Variants in GBE1 observed in about 807,000 individuals in gnomAD.
GBE1 encodes the protein 1,4-alpha-glucan branching enzyme 1.
In GBE1, 70 loss-of-function variants were observed where a neutral mutation model predicts 88.8. The observed-to-expected ratio is 0.79, with a 90% confidence interval of 0.65 to 0.96. The LOEUF (loss-of-function observed/expected upper bound fraction) is 0.96. Ranked by LOEUF, GBE1 falls within the 40% of genes least tolerant of loss-of-function variation. The pLI, the probability that GBE1 is intolerant of heterozygous loss-of-function variation, is 0.00. For missense variants in GBE1, 872 were observed against 871.0 expected (o/e 1.00, Z -0.01); for synonymous variants, 284 against 300.1 (o/e 0.95, Z 0.56).
intron 7 of GBE1, among the ~76,000 whole-genome samples, chr3:81,621,732 C>T (rs566850188): frequency 1.3e-5 from 2 of 152,268 alleles, no homozygotes; most frequent in South Asian, 4.1e-4. Flanking sequence ...GAATTTGATC[C>T]CTAAGGAATC....
At chr3:81,655,030 T>A (rs1309320727) in intron 3 of GBE1, 1 of 152,214 alleles carries the variant, frequency 6.6e-6, no homozygotes, top group Non-Finnish European at 1.5e-5. Flanking sequence ...TGGTAGGAGT[T>A]GTACTCACAA....
At chr3:81,759,724 T>C (rs2107247900) in intron 1 of GBE1, among the ~76,000 whole-genome samples, 1 of 152,292 alleles carries the variant, frequency 6.6e-6, no homozygotes, top group South Asian at 2.1e-4. Context: ...TTGGCCTTTG[T>C]TCCCTTCATT....
intron 14 of GBE1, among the ~76,000 whole-genome samples, chr3:81,500,975 G>A (rs1020039938): frequency 1.3e-5 from 2 of 151,996 alleles, no homozygotes; most frequent in Non-Finnish European, 2.9e-5. Flanking sequence ...GCTGGGGGAG[G>A]GTGAGTATGG....
chr3:81,737,890 T>C (rs576700457), intron 1 of GBE1, among the ~76,000 whole-genome samples: 2 of 152,176 alleles, frequency 1.3e-5, no homozygotes, highest in Non-Finnish European at 2.9e-5. Flanking sequence ...CTCCCACTGC[T>C]ATTCCTCCCC....
intron 3 of GBE1, among the ~76,000 whole-genome samples, chr3:81,661,486 A>G (rs1489031872): frequency 6.6e-6 from 1 of 152,210 alleles, no homozygotes; most frequent in Admixed American, 6.5e-5. Context: ...ACACTTGTTG[A>G]GATTGATTTG....
At chr3:81,499,050 C>T (rs1702551532) in intron 15 of GBE1, 60 bp downstream of exon 15, 1 of 912,878 alleles carries the variant, frequency 1.1e-6, no homozygotes, top group Non-Finnish European at 1.7e-6. Flanking sequence ...TGAACAAAAA[C>T]ATTACTATAA....
At chr3:81,720,552 C>A (rs1706013650) in intron 1 of GBE1, among the ~76,000 whole-genome samples, 2 of 151,924 alleles carry the variant, frequency 1.3e-5, no homozygotes, top group South Asian at 4.2e-4. Flanking sequence ...TAACTATTTA[C>A]CCAAATTGAA....
At chr3:81,721,653 C>T (rs1313231325) in intron 1 of GBE1, among the ~76,000 whole-genome samples, 2 of 152,090 alleles carry the variant, frequency 1.3e-5, no homozygotes, top group African/African-American at 4.8e-5. Context: ...ATTATAGGTG[C>T]CATAAAGCCA....
At chr3:81,640,805 T>C (rs562452214) in intron 7 of GBE1, among the ~76,000 whole-genome samples, 1 of 151,788 alleles carries the variant, frequency 6.6e-6, no homozygotes, top group East Asian at 1.9e-4. Context: ...GAGGACTAAG[T>C]CTATATGACA....
intron 7 of GBE1, among the ~76,000 whole-genome samples, chr3:81,633,287 T>C (rs56037559): frequency 0.093 from 14,212 of 152,182 alleles, 1,332 homozygotes; most frequent in African/African-American, 0.24. Context: ...AAGTGTGTAA[T>C]GAGCCCTTCA....
At chr3:81,601,337 C>T (rs6800135) in intron 7 of GBE1, among the ~76,000 whole-genome samples, 97,561 of 151,974 alleles carry the variant, frequency 0.64, 32,790 homozygotes, top group East Asian at 0.92. Flanking sequence ...GCTCAACCTT[C>T]TGAATCTAAA....
At chr3:81,683,886 C>A (rs547297237) in intron 2 of GBE1, among the ~76,000 whole-genome samples, 1 of 152,068 alleles carries the variant, frequency 6.6e-6, no homozygotes, top group East Asian at 1.9e-4. Flanking sequence ...ATAATATACT[C>A]CCTTTAAAAA....
chr3:81,662,246 G>A (rs1291703974), intron 3 of GBE1, among the ~76,000 whole-genome samples: 1 of 152,070 alleles, frequency 6.6e-6, no homozygotes, highest in Non-Finnish European at 1.5e-5. Flanking sequence ...TGGTCAGGCT[G>A]ATCTCAAACT....
intron 12 of GBE1, among the ~76,000 whole-genome samples, chr3:81,562,624 C>T (rs1703435331): frequency 6.6e-6 from 1 of 151,964 alleles, no homozygotes; most frequent in Admixed American, 6.6e-5. Flanking sequence ...CACTGCCTTG[C>T]TCTGAGTAAA....
intron 1 of GBE1, among the ~76,000 whole-genome samples, chr3:81,724,291 C>T (rs1706078240): frequency 1.3e-5 from 2 of 152,112 alleles, no homozygotes; most frequent in Admixed American, 1.3e-4. Flanking sequence ...TCCAAATTCA[C>T]ATTAAAGGTC....
In GBE1 at chr3:81,490,300, G is replaced by T. The variant is rs1050039670; in HGVS notation, c.*107C>A. On this transcript the variant is annotated 3_prime_UTR_variant, in exon 16 of 16. Transcript: ENST00000429644. ...TGAATTTCAGACACTTGATGGCTTG[G>T]CTAGACAACTGTATTCTGAAAAGCA... is the stretch of plus-strand genomic sequence containing the variant. 12 of 940,514 alleles carry T rather than the reference G, an allele frequency of 1.3e-5. No homozygotes were observed. The highest frequency in any genetic ancestry group is 4.0e-5 in the Admixed American group (2 of 50,522). The allele number at this position is 940,514 out of a possible 1,614,324, so 58.3% of individuals were successfully genotyped here.
chr3:81,587,224 T>C (rs996018218), intron 9 of GBE1, among the ~76,000 whole-genome samples: 24 of 152,134 alleles, frequency 1.6e-4, no homozygotes, highest in African/African-American at 5.6e-4. Context: ...AATTTAAAAA[T>C]GGGTTTCAAA....
intron 9 of GBE1, among the ~76,000 whole-genome samples, chr3:81,590,380 T>C (rs1273250938): frequency 2.6e-5 from 4 of 152,106 alleles, no homozygotes; most frequent in African/African-American, 9.6e-5. Flanking sequence ...GTTAGAGAAC[T>C]TAGAAAACCA....
intron 15 of GBE1, among the ~76,000 whole-genome samples, chr3:81,494,061 T>C (rs1402263042): frequency 6.6e-6 from 1 of 152,110 alleles, no homozygotes; most frequent in Non-Finnish European, 1.5e-5. Context: ...TTGTACAGTA[T>C]CATTAACAGA....
Sources: allele counts gnomAD v4.1 joint callset (sites outside exome capture counted in the v4.1 genomes callset), GRCh38; gene constraint gnomAD v4.1.1; transcripts MANE v1.5; gene names NCBI Gene and HGNC (gene_info 2026-07-23, HGNC 2026-07-21).